The following KDM4C variants were observed in gnomAD, a reference collection of about 807,000 sequenced individuals.
KDM4C encodes the protein lysine demethylase 4C, also known as lysine-specific demethylase 4C.
KDM4C carries 81 observed loss-of-function variants against 129.3 expected under a neutral mutation model. That is an observed-to-expected ratio of 0.63 (90% CI 0.52 to 0.75). The LOEUF is 0.75. Ranked by LOEUF, KDM4C falls within the 30% of genes least tolerant of loss-of-function variation. The pLI, the probability that KDM4C is intolerant of heterozygous loss-of-function variation, is 0.00. For synonymous variants in KDM4C, 573 were observed against 456.1 expected, an observed-to-expected ratio of 1.26 and a Z score of -3.26; for missense variants, 1,457 against 1,304.0, an observed-to-expected ratio of 1.12 and a Z score of -1.81.
At chr9:6,760,573 TA>T in intron 1 of KDM4C, among the ~76,000 whole-genome samples, 1 of 150,704 alleles carries the variant, frequency 6.6e-6, no homozygotes, top group East Asian at 1.9e-4. Context: ...TTTATTTATT[TA>T]TTTATTTATT....
At chr9:7,164,350 T>TAAAA (rs113564814) in intron 19 of KDM4C, among the ~76,000 whole-genome samples, 2,362 of 148,262 alleles carry the variant, frequency 0.016, 59 homozygotes, top group African/African-American at 0.051. Context: ...TGCCACGCCT[T>TAAAA]AAAAAAACAA....
intron 4 of KDM4C, among the ~76,000 whole-genome samples, chr9:6,840,678 T>G (rs796449621): frequency 3.3e-5 from 5 of 152,336 alleles, no homozygotes; most frequent in African/African-American, 1.2e-4. Context: ...ATTACAGGCA[T>G]GAGCCACCGC....
intron 2 of KDM4C, among the ~76,000 whole-genome samples, chr9:6,793,578 C>T (rs1486852240): frequency 6.0e-5 from 9 of 149,782 alleles, no homozygotes; most frequent in South Asian, 2.1e-4. Flanking sequence ...TTGCTCTTGC[C>T]GCCCAGGCTG....
At chr9:6,917,336 C>T (rs763567048) in intron 8 of KDM4C, among the ~76,000 whole-genome samples, 1 of 152,198 alleles carries the variant, frequency 6.6e-6, no homozygotes, top group East Asian at 1.9e-4. Flanking sequence ...CACTTGGACC[C>T]CAGTAGGGTT....
At chr9:7,061,261 G>A (rs929504728) in intron 17 of KDM4C, among the ~76,000 whole-genome samples, 1 of 152,156 alleles carries the variant, frequency 6.6e-6, no homozygotes, top group South Asian at 2.1e-4. Flanking sequence ...TTTATTCATA[G>A]TTGAGCCATG....
chr9:6,954,017 A>C (rs1230772635), intron 8 of KDM4C, among the ~76,000 whole-genome samples: 1 of 152,182 alleles, frequency 6.6e-6, no homozygotes, highest in Admixed American at 6.5e-5. Flanking sequence ...GGGGTCAGCA[A>C]ACCTTGCGCA....
intron 19 of KDM4C, among the ~76,000 whole-genome samples, chr9:7,137,796 A>G (rs535305129): frequency 6.6e-6 from 1 of 152,376 alleles, no homozygotes; most frequent in East Asian, 1.9e-4. Flanking sequence ...CCCAGGATAT[A>G]GCACATAAAT....
intron 8 of KDM4C, among the ~76,000 whole-genome samples, chr9:6,975,194 C>T (rs924942941): frequency 2.0e-5 from 3 of 152,090 alleles, no homozygotes; most frequent in Non-Finnish European, 4.4e-5. Context: ...TTAATCTGAA[C>T]CTATTAGAAG....
At chr9:6,781,823 T>A (rs1824405899) in intron 1 of KDM4C, among the ~76,000 whole-genome samples, 1 of 151,148 alleles carries the variant, frequency 6.6e-6, no homozygotes. Flanking sequence ...ATAAATAATT[T>A]TTTTTTTTTT....
chr9:7,091,263 G>C (rs903365273), intron 17 of KDM4C, among the ~76,000 whole-genome samples: 4 of 151,982 alleles, frequency 2.6e-5, no homozygotes, highest in African/African-American at 7.3e-5. Flanking sequence ...AATTCACTTG[G>C]GAGAGAGGTA....
At chr9:7,074,860 T>C (rs1481795642) in intron 17 of KDM4C, among the ~76,000 whole-genome samples, 1 of 152,184 alleles carries the variant, frequency 6.6e-6, no homozygotes, top group Non-Finnish European at 1.5e-5. Context: ...TATATCTGAA[T>C]GCACATTTTA....
rs748247838 is a variant in KDM4C at position 7,165,297 on chromosome 9, G to T, written c.2841G>T (p.Trp947Cys). Residue 947 changes from tryptophan (W) to cysteine (C), a missense_variant, in exon 20 of 22, where the codon TGG becomes TGT. Transcript: ENST00000381309. ...AGGGAGAAGTCGTCCAAGTCAAGTG[G>T]CCCGATGGCAAACTCTATGGAGCAA... is the stretch of plus-strand genomic sequence containing the variant. ...PAEGEVVQVK[W>C]PDGKLYGAKY... is the part of the protein sequence containing the mutation. 1.5e-5 allele frequency: 24 copies of T among 1,614,126 alleles called. No homozygotes were observed. The highest frequency in any genetic ancestry group is 2.0e-5 in the Non-Finnish European group (24 of 1,179,990).
chr9:6,955,035 A>G (rs1358946795), intron 8 of KDM4C, among the ~76,000 whole-genome samples: 1 of 152,234 alleles, frequency 6.6e-6, no homozygotes, highest in East Asian at 1.9e-4. Flanking sequence ...GATGTACTAA[A>G]GGAATTTTGT....
Position 6,837,767 on chromosome 9 carries a change from G to A in KDM4C, c.436-11740G>A, listed in dbSNP as rs77860216. Among the ~76,000 whole-genome samples, 150 of 152,014 alleles carry A rather than the reference G, an allele frequency of 9.9e-4. 1 individual carries two copies. The East Asian group carries it at 0.025, about 25-fold the overall frequency. On this transcript the variant is annotated intron_variant, in intron 4 of 21. Transcript: ENST00000381309. The stretch of plus-strand genomic sequence containing the variant: ...TGTTGAATTATTTGCTCTAGTTGTG[G>A]CTATTCTTTTCACTATTTTGTTTGT...
chr9:6,983,869 A>T (rs187164247), intron 9 of KDM4C, among the ~76,000 whole-genome samples: 3 of 151,146 alleles, frequency 2.0e-5, no homozygotes, highest in Non-Finnish European at 4.4e-5. Flanking sequence ...CTTTATTTTT[A>T]TTTTCAGACT....
At chr9:7,144,042 G>A (rs991710014) in intron 19 of KDM4C, among the ~76,000 whole-genome samples, 3 of 151,662 alleles carry the variant, frequency 2.0e-5, no homozygotes, top group African/African-American at 7.3e-5. Flanking sequence ...CACATTTCCA[G>A]CTTTGAGGAT....
At position 7,161,556 on chromosome 9, in the gene KDM4C, C is replaced by G. The variant is rs1229483718; in HGVS notation, c.2782-3682C>G. 2.6e-5 allele frequency among the ~76,000 whole-genome samples: 4 copies of G among 152,264 alleles called. No homozygotes were observed. The East Asian group carries it at 5.8e-4, about 22-fold the overall frequency. ...ATAAAATCAAAGTTCTACTCTGAAGCCCTCATAGATCTCCCCCCTTGCAAG... is the reference window on the plus strand; with the variant it reads ...ATAAAATCAAAGTTCTACTCTGAAGGCCTCATAGATCTCCCCCCTTGCAAG... On this transcript the variant is annotated intron_variant, in intron 19 of 21. Transcript: ENST00000381309.
chr9:6,787,332 A>C (rs1825699309), intron 1 of KDM4C, among the ~76,000 whole-genome samples: 1 of 152,212 alleles, frequency 6.6e-6, no homozygotes, highest in Admixed American at 6.5e-5. Flanking sequence ...CCCGGGGTTC[A>C]AGTGAGTCTT....
At position 7,103,953 on chromosome 9, in the gene KDM4C, C is replaced by A. The variant is rs1423775252; in HGVS notation, c.2610+83C>A. 4.0e-6 allele frequency: 5 copies of A among 1,243,242 alleles called. No homozygotes were observed. The highest frequency in any genetic ancestry group is 5.8e-6 in the Non-Finnish European group (5 of 869,148). The allele number at this position is 1,243,242 out of a possible 1,614,324, so 77.0% of individuals were successfully genotyped here. A position where few individuals can be genotyped will look rare whatever the true frequency, so the allele number is the denominator to read the frequency against. On this transcript the variant is annotated intron_variant, in intron 18 of 21. Transcript: ENST00000381309. ...TAGACTACCTCCCAGACATAATGTG[C>A]TTTATTCTGTAATATGACTCATTGT...
Sources: allele counts gnomAD v4.1 joint callset (sites outside exome capture counted in the v4.1 genomes callset), GRCh38; gene constraint gnomAD v4.1.1; transcripts MANE v1.5; gene names NCBI Gene and HGNC (gene_info 2026-07-23, HGNC 2026-07-21).